SORCS1: variants seen among roughly 807,000 people sequenced by gnomAD.
SORCS1 encodes the protein VPS10 domain-containing receptor SorCS1.
Under a neutral mutation model 146.1 loss-of-function variants are expected in SORCS1, and 60 were observed. The ratio of observed to expected loss-of-function variants is 0.41; its 90% CI spans 0.33 to 0.51. SORCS1 has a LOEUF of 0.51. SORCS1 is among the 20% of genes least tolerant of loss of function. The pLI is 0.21. For synonymous variants in SORCS1, 637 were observed against 584.0 expected, an observed-to-expected ratio of 1.09 and a Z score of -1.31; for missense variants, 1,352 against 1,487.6, an observed-to-expected ratio of 0.91 and a Z score of 1.50.
intron 2 of SORCS1, among the ~76,000 whole-genome samples, chr10:106,940,437 G>C (rs576405720): frequency 6.6e-6 from 1 of 152,166 alleles, no homozygotes. Context: ...TGTGTCCTTC[G>C]AAATGTTCCT....
chr10:107,065,994 C>T (rs1961813731), intron 1 of SORCS1, among the ~76,000 whole-genome samples: 1 of 152,156 alleles, frequency 6.6e-6, no homozygotes, highest in African/African-American at 2.4e-5. Context: ...TAACCAATAC[C>T]TTCTCATTCT....
intron 18 of SORCS1, among the ~76,000 whole-genome samples, chr10:106,647,985 A>G (rs1421071369): frequency 1.3e-5 from 2 of 152,062 alleles, no homozygotes; most frequent in Non-Finnish European, 2.9e-5. Flanking sequence ...CTCTCACCTT[A>G]GCCTCCCAAG....
intron 1 of SORCS1, among the ~76,000 whole-genome samples, chr10:106,977,842 A>G (rs1458644888): frequency 6.6e-6 from 1 of 152,230 alleles, no homozygotes; most frequent in African/African-American, 2.4e-5. Context: ...CCAAATCATA[A>G]ATGTCTACTA....
At chr10:107,044,670 A>C (rs1379652612) in intron 1 of SORCS1, among the ~76,000 whole-genome samples, 1 of 151,780 alleles carries the variant, frequency 6.6e-6, no homozygotes, top group Non-Finnish European at 1.5e-5. Context: ...GAAAATACAA[A>C]AAATTAGCCG....
chr10:107,152,708 G>A (rs892517723), intron 1 of SORCS1, among the ~76,000 whole-genome samples: 10 of 152,078 alleles, frequency 6.6e-5, no homozygotes, highest in Non-Finnish European at 1.3e-4. Context: ...AGTTTCTGGA[G>A]GCCTCACTGG....
chr10:106,581,528 G>C (rs1307583839), intron 24 of SORCS1, among the ~76,000 whole-genome samples: 2 of 152,014 alleles, frequency 1.3e-5, no homozygotes, highest in Non-Finnish European at 2.9e-5. Context: ...CTTACGTTTG[G>C]AAGACAGGTA....
At chr10:106,773,669 G>C (rs1450022857) in intron 4 of SORCS1, among the ~76,000 whole-genome samples, 1 of 152,174 alleles carries the variant, frequency 6.6e-6, no homozygotes, top group Non-Finnish European at 1.5e-5. Flanking sequence ...GAGAACCCTG[G>C]CTGGGCGTGG....
At chr10:106,856,002 C>T (rs769942034) in intron 2 of SORCS1, among the ~76,000 whole-genome samples, 4 of 150,482 alleles carry the variant, frequency 2.7e-5, no homozygotes, top group Non-Finnish European at 5.9e-5. Flanking sequence ...GATGGTAATA[C>T]GGGGAAGCGA....
intron 9 of SORCS1, among the ~76,000 whole-genome samples, chr10:106,695,134 GT>G (rs995579702): frequency 2.0e-5 from 3 of 152,132 alleles, no homozygotes; most frequent in African/African-American, 7.2e-5. Context: ...GTGTGATGGA[GT>G]TTTAGGACAC....
At chr10:107,127,956 G>T (rs1047977117) in intron 1 of SORCS1, among the ~76,000 whole-genome samples, 1 of 152,164 alleles carries the variant, frequency 6.6e-6, no homozygotes, top group African/African-American at 2.4e-5. Flanking sequence ...TTGTAAATTG[G>T]TCACACTTAT....
At chr10:106,861,517 T>G (rs1412018022) in intron 2 of SORCS1, among the ~76,000 whole-genome samples, 1 of 151,660 alleles carries the variant, frequency 6.6e-6, no homozygotes, top group Non-Finnish European at 1.5e-5. Flanking sequence ...TTATGAAAAA[T>G]GTATTCTAGA....
intron 18 of SORCS1, among the ~76,000 whole-genome samples, chr10:106,643,368 T>C (rs936458718): frequency 1.3e-5 from 2 of 152,252 alleles, no homozygotes; most frequent in African/African-American, 2.4e-5. Flanking sequence ...ACTCTGTGTC[T>C]CTTCATTCTG....
chr10:106,577,990 A>C (rs1227741887), intron 25 of SORCS1: 1 of 155,626 alleles, frequency 6.4e-6, no homozygotes, highest in Non-Finnish European at 1.4e-5. Context: ...TATTCATTTA[A>C]AGAGGGTTAT....
intron 2 of SORCS1, among the ~76,000 whole-genome samples, chr10:106,941,312 A>T (rs1445948197): frequency 6.6e-6 from 1 of 152,118 alleles, no homozygotes. Context: ...ATGTATGTTT[A>T]GTAGGTGATC....
At chr10:107,002,788 A>G (rs765374357) in intron 1 of SORCS1, among the ~76,000 whole-genome samples, 5 of 152,118 alleles carry the variant, frequency 3.3e-5, no homozygotes, top group Non-Finnish European at 7.4e-5. Flanking sequence ...ACCTAGAGGA[A>G]ATAACAAGGG....
At chr10:106,939,146 A>G (rs1953902485) in intron 2 of SORCS1, among the ~76,000 whole-genome samples, 1 of 152,236 alleles carries the variant, frequency 6.6e-6, no homozygotes, top group Non-Finnish European at 1.5e-5. Flanking sequence ...AAAATTAGAA[A>G]GAAAACTGAC....
intron 24 of SORCS1, 80 bp downstream of exon 24, chr10:106,597,271 C>T: frequency 8.7e-7 from 1 of 1,151,638 alleles, no homozygotes; most frequent in African/African-American, 1.5e-5. Context: ...ACCATCTAGC[C>T]TTTTTATGAG....
chr10:106,950,602 T>A (rs1426998478), intron 2 of SORCS1, among the ~76,000 whole-genome samples: 2 of 152,088 alleles, frequency 1.3e-5, no homozygotes, highest in Non-Finnish European at 2.9e-5. Flanking sequence ...TGTGTGTGTC[T>A]GTGTGTGTAT....
chr10:106,847,864 G>T (rs1949368380), intron 2 of SORCS1, among the ~76,000 whole-genome samples: 1 of 149,132 alleles, frequency 6.7e-6, no homozygotes, highest in Non-Finnish European at 1.5e-5. Context: ...TTCAGGAGCA[G>T]GTTGTTCAGT....
Sources: gnomAD v4.1 joint callset for allele counts (sites outside exome capture counted in the v4.1 genomes callset) on GRCh38, gnomAD v4.1.1 for gene constraint, MANE v1.5 for transcripts, NCBI Gene and HGNC (gene_info 2026-07-23, HGNC 2026-07-21) for gene names.